F2: variants seen among roughly 807,000 people sequenced by gnomAD.
The protein encoded by F2 is prothrombin.
In F2, 34 loss-of-function variants were observed where a neutral mutation model predicts 81.9. That is an observed-to-expected ratio of 0.42 (90% CI 0.32 to 0.55). The LOEUF is 0.55. Ranked by LOEUF, F2 falls within the 20% of genes least tolerant of loss-of-function variation. The pLI, the probability that F2 is intolerant of heterozygous loss-of-function variation, is 0.18. For synonymous variants in F2, 296 were observed against 326.4 expected, an observed-to-expected ratio of 0.91 and a Z score of 1.01; for missense variants, 630 against 833.4, an observed-to-expected ratio of 0.76 and a Z score of 3.00.
At chr11:46,729,759 G>A (rs1198718196) in intron 12 of F2, among the ~76,000 whole-genome samples, 198 bp downstream of exon 12, 1 of 152,180 alleles carries the variant, frequency 6.6e-6, no homozygotes, top group African/African-American at 2.4e-5. Context: ...ATATATTAAT[G>A]TACTTGGCAT....
At chr11:46,737,938 A>T (rs1213647283) in intron 12 of F2, among the ~76,000 whole-genome samples, 1 of 150,372 alleles carries the variant, frequency 6.7e-6, no homozygotes, top group Admixed American at 6.6e-5. Flanking sequence ...GGCTCAAGCA[A>T]TCCTCTTCTT....
At position 46,723,974 on chromosome 11, in the gene F2, A is replaced by G. The variant is rs1447608856; in HGVS notation, c.559+456A>G. ...TCTGTGCCTATTGCTCAGTAAAGTC[A>G]GGGAATCAGGGGATCTGAGTGGGGG... On this transcript the variant is annotated intron_variant, in intron 6 of 13. Coordinates refer to ENST00000311907, the MANE Select transcript of F2 (RefSeq NM_000506.5). This position sits in a 1 kb window ranked among gnomAD's most constrained non-coding sequence, Gnocchi z 5.6. Among the ~76,000 whole-genome samples, 1 of 152,082 alleles carries G rather than the reference A, an allele frequency of 6.6e-6. No homozygotes were observed. The highest frequency in any genetic ancestry group is 2.4e-5 in the African/African-American group (1 of 41,414).
Position 46,725,842 on chromosome 11 carries a change from T to G in F2, c.560-17T>G. ...GGTCTCACTCACTCTGCTGCCTCCT[T>G]GCCCCTCACCCACCAGGCCAGGATC... On this transcript the variant is annotated splice_polypyrimidine_tract_variant and intron_variant, in intron 6 of 13. Coordinates refer to ENST00000311907, the MANE Select transcript of F2 (RefSeq NM_000506.5). 1 of 1,611,652 alleles carries G rather than the reference T, an allele frequency of 6.2e-7. No homozygotes were observed. Among genetic ancestry groups the G allele is most frequent in the Non-Finnish European group, 8.5e-7 (1 of 1,179,566 alleles).
chr11:46,735,015 C>G (rs185797259), intron 12 of F2, among the ~76,000 whole-genome samples: 1 of 152,124 alleles, frequency 6.6e-6, no homozygotes, highest in Non-Finnish European at 1.5e-5. Context: ...GTCTCTAAAC[C>G]CTTTATTAAA....
At position 46,726,432 on chromosome 11, in the gene F2, G is replaced by A. The variant is rs1035055937; in HGVS notation, c.875-66G>A. The A allele has an allele frequency of 1.9e-6, 3 of 1,579,754 alleles. No homozygotes were observed. In the African/African-American group the frequency reaches 4.0e-5, roughly 21 times the overall value. On this transcript the variant is annotated intron_variant, in intron 7 of 13. Coordinates refer to ENST00000311907, the MANE Select transcript of F2 (RefSeq NM_000506.5). The surrounding 1 kb of genome is among the most constrained non-coding windows in gnomAD (Gnocchi z 5.9). ...GCCTCCAAGGCCCGTAGGGGAATTG[G>A]GGGGATCTAGGGGATGGGTGAGGAA...
At chr11:46,724,574 T>C (rs2064859377) in intron 6 of F2, among the ~76,000 whole-genome samples, 1 of 152,158 alleles carries the variant, frequency 6.6e-6, no homozygotes, top group Non-Finnish European at 1.5e-5. Context: ...CCACGTTCCA[T>C]TGGCCAGAGC....
rs1263298307 is a variant in F2 at position 46,728,203 on chromosome 11, G to A, written c.1298+40G>A. The A allele has an allele frequency of 6.3e-7, 1 of 1,590,448 alleles. No individual in the cohort carries two copies. The highest frequency in any genetic ancestry group is 1.1e-5 in the South Asian group (1 of 87,254). On this transcript the variant is annotated intron_variant, in intron 10 of 13. Transcript: ENST00000311907. The surrounding 1 kb of genome is among the most constrained non-coding windows in gnomAD (Gnocchi z 5.1). ...GCCCGTGGGTGTCTGGCAGGGGTCT[G>A]AGTCCTCCAAAGCGATCATGAGGGG...
chr11:46,727,688 G>A (rs1316904302), intron 9 of F2, among the ~76,000 whole-genome samples: 1 of 152,124 alleles, frequency 6.6e-6, no homozygotes, highest in Non-Finnish European at 1.5e-5. Flanking sequence ...TGAGGCGGGA[G>A]GATCGCCTGA....
intron 12 of F2, among the ~76,000 whole-genome samples, chr11:46,732,801 C>A (rs1341770409): frequency 6.6e-6 from 1 of 152,168 alleles, no homozygotes; most frequent in African/African-American, 2.4e-5. Context: ...GGGAGATGTT[C>A]TGTCATTCTT....
chr11:46,733,710 T>C (rs185473740), intron 12 of F2, among the ~76,000 whole-genome samples: 162 of 152,036 alleles, frequency 1.1e-3, no homozygotes, highest in African/African-American at 3.9e-3. Flanking sequence ...AGAAATAGTA[T>C]CTTGAAATTG....
intron 12 of F2, among the ~76,000 whole-genome samples, chr11:46,732,591 G>T (rs1472253708): frequency 2.0e-5 from 3 of 151,994 alleles, no homozygotes; most frequent in East Asian, 1.9e-4. Flanking sequence ...TAGAGACAGG[G>T]TTTCACCATG....
At chr11:46,734,460 C>T (rs2064932435) in intron 12 of F2, among the ~76,000 whole-genome samples, 1 of 152,002 alleles carries the variant, frequency 6.6e-6, no homozygotes, top group South Asian at 2.1e-4. Context: ...TAAAAAATTA[C>T]TAGGTAGTCA....
Position 46,719,274 on chromosome 11 carries a change from G to C in F2, c.39G>C (p.Leu13=), listed in dbSNP as rs755663766. 2.5e-6 allele frequency: 4 copies of C among 1,613,654 alleles called. No homozygotes were observed. Among genetic ancestry groups the C allele is most frequent in the Non-Finnish European group, 3.4e-6 (4 of 1,180,014 alleles). Residue 13 remains leucine, a synonymous_variant, in exon 1 of 14, where the codon CTG becomes CTC. Coordinates refer to ENST00000311907, the MANE Select transcript of F2 (RefSeq NM_000506.5). This position sits in a 1 kb window ranked among gnomAD's most constrained non-coding sequence, Gnocchi z 4.7. ...GAGGCTTGCAGCTGCCTGGCTGCCT[G>C]GCCCTGGCTGCCCTGTGTAGCCTTG... is the stretch of plus-strand genomic sequence containing the variant. ...HVRGLQLPGC[L]ALAALCSLVH...
intron 12 of F2, among the ~76,000 whole-genome samples, chr11:46,732,458 C>T (rs533543115): frequency 4.5e-4 from 67 of 149,320 alleles, no homozygotes; most frequent in African/African-American, 1.6e-3. Context: ...AGTGCAATGG[C>T]GTGATCTCGG....
rs371923575 is a variant in F2, at chr11:46,723,409, C to T, written c.450C>T (p.Ala150=). 2.4e-5 allele frequency: 39 copies of T among 1,613,956 alleles called. No homozygotes were observed. The highest frequency in any genetic ancestry group is 1.7e-4 in the African/African-American group (13 of 74,916). The change falls in exon 6 of 14, where the codon GCC becomes GCT. Residue 150 remains alanine (A), a synonymous_variant. Transcript: ENST00000311907. The surrounding 1 kb of genome is among the most constrained non-coding windows in gnomAD (Gnocchi z 5.6). ...PEINSTTHPG[A]DLQENFCRNP... ...TCAACTCCACTACCCATCCTGGGGC[C>T]GACCTACAGGAGAATTTCTGCCGCA...
intron 4 of F2, 90 bp downstream of exon 4, chr11:46,720,930 G>C: frequency 7.3e-7 from 1 of 1,367,132 alleles, no homozygotes; most frequent in Non-Finnish European, 1.0e-6. Context: ...GGCTGGTGGA[G>C]GCCGAGGCAG....
At chr11:46,733,147 T>C (rs752200967) in intron 12 of F2, among the ~76,000 whole-genome samples, 1 of 152,246 alleles carries the variant, frequency 6.6e-6, no homozygotes, top group Non-Finnish European at 1.5e-5. Context: ...TGTAACTCTC[T>C]CTGTTGACAG....
At chr11:46,737,602 A>G (rs549960189) in intron 12 of F2, among the ~76,000 whole-genome samples, 147 of 147,124 alleles carry the variant, frequency 1.0e-3, no homozygotes, top group Non-Finnish European at 1.7e-3. Context: ...TGCCACGCCC[A>G]GCTAATTTTT....
At chr11:46,720,216 A>G in intron 2 of F2, 1 of 550,296 alleles carries the variant, frequency 1.8e-6, no homozygotes, top group Non-Finnish European at 3.3e-6. Flanking sequence ...CGGGCTCAAG[A>G]CTCAGTGTTC....
Sources: gnomAD v4.1 joint callset for allele counts (sites outside exome capture counted in the v4.1 genomes callset) on GRCh38, gnomAD v4.1.1 for gene constraint, Gnocchi (gnomAD v3.1) non-coding constraint, MANE v1.5 for transcripts, NCBI Gene and HGNC (gene_info 2026-07-23, HGNC 2026-07-21) for gene names.